Variants in ZNF609 observed in about 807,000 individuals in gnomAD.
ZNF609 encodes the protein zinc finger protein 609.
A neutral mutation model predicts 109.5 loss-of-function variants in ZNF609; 11 were observed. The ratio of observed to expected loss-of-function variants is 0.10; its 90% CI spans 0.06 to 0.17. The LOEUF (loss-of-function observed/expected upper bound fraction) is 0.17. Ranked by LOEUF, ZNF609 falls within the 10% of genes least tolerant of loss-of-function variation. The probability of loss-of-function intolerance (pLI) is 1.00; values close to 1 mark genes in which losing one functional copy is unlikely to be tolerated. For synonymous variants in ZNF609, 646 were observed against 662.0 expected (o/e 0.98, Z 0.37); for missense variants, 1,559 against 1,772.4 (o/e 0.88, Z 2.16).
chr15:64,606,347 G>T (rs1385340467), intron 2 of ZNF609, among the ~76,000 whole-genome samples: 1 of 151,250 alleles, frequency 6.6e-6, no homozygotes, highest in Non-Finnish European at 1.5e-5. Flanking sequence ...TGAGGCAAGC[G>T]CAGGAGTTCA....
intron 2 of ZNF609, among the ~76,000 whole-genome samples, chr15:64,576,231 TTTATA>T (rs1423098697): frequency 3.9e-5 from 6 of 152,212 alleles, no homozygotes; most frequent in Non-Finnish European, 8.8e-5. Context: ...ATCTACTTAG[TTTATA>T]TTATAACTTA....
rs115563740 is a variant in ZNF609, at chr15:64,648,369, G to T, written c.974-21977G>T. On this transcript the variant is annotated intron_variant, in intron 3 of 9. Coordinates refer to ENST00000326648, the MANE Select transcript of ZNF609 (RefSeq NM_015042.2). ...TAGCCAGGCATGGTGTCATACACCT[G>T]TAGTCCCAGCTATTTGGGAGGCTGA... 3.8e-3 allele frequency among the ~76,000 whole-genome samples: 578 copies of T among 152,270 alleles called. 6 individuals carry two copies. The highest frequency in any genetic ancestry group is 0.013 in the African/African-American group (556 of 41,556).
At chr15:64,541,366 G>T (rs1349075213) in intron 2 of ZNF609, among the ~76,000 whole-genome samples, 10 of 148,572 alleles carry the variant, frequency 6.7e-5, no homozygotes, top group African/African-American at 2.5e-4. Flanking sequence ...GGCGGAGCTC[G>T]CAGTGAGCCG....
chr15:64,551,090 T>C (rs1455727977), intron 2 of ZNF609, among the ~76,000 whole-genome samples: 1 of 152,112 alleles, frequency 6.6e-6, no homozygotes, highest in African/African-American at 2.4e-5. Context: ...TGGTCCCTTT[T>C]TTTTGTTTGT....
chr15:64,514,331 C>G (rs1893777031), intron 2 of ZNF609, among the ~76,000 whole-genome samples: 1 of 152,142 alleles, frequency 6.6e-6, no homozygotes, highest in Non-Finnish European at 1.5e-5. Flanking sequence ...GTAGTGGAAA[C>G]TTTGGGTCCA....
intron 2 of ZNF609, among the ~76,000 whole-genome samples, chr15:64,528,446 G>A (rs936103483): frequency 2.7e-5 from 4 of 150,532 alleles, no homozygotes; most frequent in Non-Finnish European, 4.4e-5. Flanking sequence ...TTAATTTCTT[G>A]TTTGTTTGTT....
chr15:64,660,030 T>A (rs1468813931), intron 3 of ZNF609, among the ~76,000 whole-genome samples: 2 of 152,074 alleles, frequency 1.3e-5, no homozygotes, highest in African/African-American at 4.8e-5. Context: ...AGATGGGGTT[T>A]CGCCATGTTG....
At chr15:64,568,525 T>C (rs542660320) in intron 2 of ZNF609, among the ~76,000 whole-genome samples, 23 of 152,280 alleles carry the variant, frequency 1.5e-4, no homozygotes, top group African/African-American at 5.5e-4. Context: ...TTTCTGATAT[T>C]CTGATGATTT....
At chr15:64,555,537 AACT>A (rs943750222) in intron 2 of ZNF609, among the ~76,000 whole-genome samples, 2 of 151,242 alleles carry the variant, frequency 1.3e-5, no homozygotes, top group Non-Finnish European at 2.9e-5. Context: ...GGTGTTGCAC[AACT>A]GTTGTAATCC....
At chr15:64,603,079 G>T (rs920223050) in intron 2 of ZNF609, among the ~76,000 whole-genome samples, 8 of 151,498 alleles carry the variant, frequency 5.3e-5, no homozygotes, top group Non-Finnish European at 1.0e-4. Context: ...CCCATCCTTT[G>T]CATCCAGTTG....
At chr15:64,593,345 A>G in intron 2 of ZNF609, 1 of 1,192,250 alleles carries the variant, frequency 8.4e-7, no homozygotes, top group Non-Finnish European at 1.2e-6. Context: ...GTTCTTAAAG[A>G]CTGAAGACAG....
chr15:64,479,954 G>T (rs1444614558), intron 1 of ZNF609, among the ~76,000 whole-genome samples: 1 of 150,188 alleles, frequency 6.7e-6, no homozygotes, highest in Non-Finnish European at 1.5e-5. Flanking sequence ...AGTGTTATTG[G>T]CCAGGAGCAG....
intron 2 of ZNF609, among the ~76,000 whole-genome samples, chr15:64,621,453 G>T (rs1895875628): frequency 6.6e-6 from 1 of 151,882 alleles, no homozygotes; most frequent in East Asian, 1.9e-4. Context: ...GGGCTCAAGT[G>T]GTCCTCCCAC....
intron 1 of ZNF609, among the ~76,000 whole-genome samples, chr15:64,468,250 T>G (rs1893042800): frequency 6.7e-6 from 1 of 149,932 alleles, no homozygotes; most frequent in African/African-American, 2.5e-5. Context: ...CCTCCTTTCC[T>G]TTCCTTTCCT....
chr15:64,674,794 A>G lies in ZNF609; in HGVS notation c.1940A>G (p.Lys647Arg), dbSNP rs1265300186. The change falls in exon 5 of 10, where the codon AAG becomes AGG. Residue 647 changes from lysine (K) to arginine (R), a missense_variant. Physicochemically the swap from Lys to Arg is conservative, Grantham distance 26. This residue lies in a region of ZNF609 where 1,204 missense variants were observed against 1,314.1 expected (regional missense o/e 0.92). Transcript: ENST00000326648. ...CKKPSSLKPE[K>R]IPSKSLKSAR... Reference sequence around the variant, plus strand: ...AAACCCTCTAGTTTAAAACCTGAAAAGATTCCTTCCAAGAGCCTAAAGTCA... The same window carrying G: ...AAACCCTCTAGTTTAAAACCTGAAAGGATTCCTTCCAAGAGCCTAAAGTCA... The G allele has an allele frequency of 6.2e-7, 1 of 1,614,098 alleles. No homozygotes were observed. The highest frequency in any genetic ancestry group is 8.5e-7 in the Non-Finnish European group (1 of 1,180,014).
chr15:64,542,341 A>T (rs553951014), intron 2 of ZNF609, among the ~76,000 whole-genome samples: 1 of 152,324 alleles, frequency 6.6e-6, no homozygotes, highest in East Asian at 1.9e-4. Flanking sequence ...TTATTTTTCA[A>T]GTAGTTAATG....
intron 2 of ZNF609, among the ~76,000 whole-genome samples, chr15:64,542,648 T>C (rs1032645071): frequency 6.6e-6 from 1 of 152,210 alleles, no homozygotes; most frequent in African/African-American, 2.4e-5. Flanking sequence ...CACCAACCAC[T>C]CAAATGCTGA....
chr15:64,618,355 C>T (rs1033631460), intron 2 of ZNF609, among the ~76,000 whole-genome samples: 1 of 152,138 alleles, frequency 6.6e-6, no homozygotes, highest in African/African-American at 2.4e-5. Context: ...GGCTATGGGG[C>T]TCCAACCCCG....
rs964212313 is a variant in ZNF609 at position 64,488,746 on chromosome 15, C to A, written c.-127-10547C>A. Among the ~76,000 whole-genome samples the A allele has an allele frequency of 5.9e-5, 9 of 152,182 alleles. No individual in the cohort carries two copies. The East Asian group carries it at 1.5e-3, about 26-fold the overall frequency. ...AATTCCTTGTCTGTTCTGAAAAATG[C>A]TAAATGTTTTTTCCTTTCCCTGAGA... On this transcript the variant is annotated intron_variant, in intron 1 of 9. Coordinates refer to ENST00000326648, the MANE Select transcript of ZNF609 (RefSeq NM_015042.2).
Sources: allele counts gnomAD v4.1 joint callset (sites outside exome capture counted in the v4.1 genomes callset), GRCh38; gene constraint gnomAD v4.1.1; regional missense constraint gnomAD v4.1.1; transcripts MANE v1.5; gene names NCBI Gene and HGNC (gene_info 2026-07-23, HGNC 2026-07-21).